The following DLG2 variants were observed in gnomAD, a reference collection of about 807,000 sequenced individuals.
DLG2 encodes discs large MAGUK scaffold protein 2.
DLG2 carries 45 observed loss-of-function variants against 132.5 expected under a neutral mutation model. The observed-to-expected ratio is 0.34, with a 90% CI of 0.27 to 0.44. The LOEUF (loss-of-function observed/expected upper bound fraction) is 0.44. Ranked by LOEUF, DLG2 falls within the 20% of genes least tolerant of loss-of-function variation. The probability of loss-of-function intolerance (pLI) is 1.00; values close to 1 mark genes in which losing one functional copy is unlikely to be tolerated. For synonymous variants in DLG2, 424 were observed against 419.6 expected (o/e 1.01, Z -0.13); for missense variants, 1,045 against 1,196.9 (o/e 0.87, Z 1.87).
intron 3 of DLG2, among the ~76,000 whole-genome samples, chr11:85,436,788 C>A (rs1046374321): frequency 1.3e-5 from 2 of 152,188 alleles, no homozygotes; most frequent in African/African-American, 2.4e-5. Flanking sequence ...TTCGACCTAG[C>A]AATCCCATTA....
chr11:83,910,535 T>C (rs1398364290), intron 15 of DLG2, among the ~76,000 whole-genome samples: 2 of 152,130 alleles, frequency 1.3e-5, no homozygotes, highest in Admixed American at 6.6e-5. Flanking sequence ...CAATAATACA[T>C]AGTTTCAAAT....
intron 22 of DLG2, among the ~76,000 whole-genome samples, chr11:83,474,922 G>A (rs1027672484): frequency 4.6e-5 from 7 of 152,098 alleles, no homozygotes; most frequent in African/African-American, 1.4e-4. Flanking sequence ...GTATGATTGC[G>A]ATTCAGACAA....
At chr11:83,969,288 C>T (rs116092562) in intron 12 of DLG2, among the ~76,000 whole-genome samples, 148 of 152,222 alleles carry the variant, frequency 9.7e-4, no homozygotes, top group African/African-American at 3.5e-3. Context: ...TGTTCTTTCT[C>T]CCTTTAGGAG....
intron 15 of DLG2, among the ~76,000 whole-genome samples, chr11:83,919,124 T>C (rs574560155): frequency 1.3e-5 from 2 of 152,272 alleles, no homozygotes; most frequent in South Asian, 4.1e-4. Flanking sequence ...ATCTTGTGAT[T>C]CACCAACAGG....
intron 18 of DLG2, among the ~76,000 whole-genome samples, chr11:83,694,219 G>A (rs1358187668): frequency 6.6e-6 from 1 of 152,160 alleles, no homozygotes; most frequent in Non-Finnish European, 1.5e-5. Flanking sequence ...CAAATGAAAA[G>A]CATTAGCAAG....
chr11:84,888,271 A>T (rs1036849557), intron 6 of DLG2, among the ~76,000 whole-genome samples: 2 of 152,142 alleles, frequency 1.3e-5, no homozygotes, highest in Non-Finnish European at 2.9e-5. Flanking sequence ...ACTCTCACCA[A>T]TGTGGACAGG....
intron 3 of DLG2, among the ~76,000 whole-genome samples, chr11:85,484,882 G>T (rs962805043): frequency 6.6e-6 from 1 of 151,376 alleles, no homozygotes; most frequent in Non-Finnish European, 1.5e-5. Context: ...AAATCATGCT[G>T]CTATAAAGAC....
chr11:84,860,797 G>A (rs908809027), intron 6 of DLG2, among the ~76,000 whole-genome samples: 12 of 150,392 alleles, frequency 8.0e-5, no homozygotes, highest in African/African-American at 2.9e-4. Context: ...TATAAGTCAA[G>A]CAAGAAAAAT....
intron 7 of DLG2, among the ~76,000 whole-genome samples, chr11:84,278,369 G>C (rs2097807178): frequency 6.6e-6 from 1 of 151,948 alleles, no homozygotes; most frequent in Non-Finnish European, 1.5e-5. Context: ...GGCCCAGATG[G>C]CTTCACTGAT....
intron 9 of DLG2, among the ~76,000 whole-genome samples, chr11:84,102,654 G>C (rs1354784633): frequency 6.6e-6 from 1 of 152,054 alleles, no homozygotes; most frequent in Admixed American, 6.6e-5. Flanking sequence ...AAGGACCCAG[G>C]CATTTATTGA....
intron 19 of DLG2, among the ~76,000 whole-genome samples, chr11:83,581,141 T>A (rs894116206): frequency 6.6e-6 from 1 of 151,998 alleles, no homozygotes; most frequent in African/African-American, 2.4e-5. Context: ...AGAGTCTTGA[T>A]GGCACTCCTA....
chr11:84,935,709 T>C (rs571513688), intron 6 of DLG2, among the ~76,000 whole-genome samples: 13 of 152,168 alleles, frequency 8.5e-5, no homozygotes, highest in Admixed American at 5.9e-4. Flanking sequence ...CTGCAATGCA[T>C]AGGAGAGCAT....
rs1450759046 is a variant in DLG2 at position 84,861,628 on chromosome 11, A to AC, written c.357+250032_357+250033insG. Among the ~76,000 whole-genome samples the AC allele has an allele frequency of 3.9e-4, 28 of 72,498 alleles. No homozygotes were observed. In the East Asian group the frequency reaches 4.4e-3, roughly 11 times the overall value. The allele number at this position is 72,498 out of a possible 152,430, so 47.6% of individuals were successfully genotyped here. A position where few individuals can be genotyped will look rare whatever the true frequency, so the allele number is the denominator to read the frequency against. On this transcript the variant is annotated intron_variant, in intron 6 of 27. Coordinates refer to ENST00000376104, the MANE Select transcript of DLG2 (RefSeq NM_001142699.3). ...AGAGCTTCTACACAGCAAAAAAAAA[A>AC]AAAAAAAAAAACAAAAAAAAAAACC...
intron 3 of DLG2, among the ~76,000 whole-genome samples, chr11:85,510,496 T>C (rs1449697932): frequency 6.6e-6 from 1 of 151,680 alleles, no homozygotes; most frequent in Non-Finnish European, 1.5e-5. Flanking sequence ...ATATCCAGAA[T>C]CTACAATGAA....
At chr11:84,335,802 G>C (rs2098482016) in intron 7 of DLG2, among the ~76,000 whole-genome samples, 1 of 152,050 alleles carries the variant, frequency 6.6e-6, no homozygotes, top group Non-Finnish European at 1.5e-5. Context: ...AATTAAATTA[G>C]GTAATGATTG....
chr11:85,217,822 G>A (rs2082721278), intron 4 of DLG2, among the ~76,000 whole-genome samples: 2 of 152,152 alleles, frequency 1.3e-5, no homozygotes, highest in African/African-American at 4.8e-5. Context: ...TTGCTTTTGT[G>A]GACTTTGTCA....
chr11:84,501,055 T>C (rs1274354021), intron 7 of DLG2, among the ~76,000 whole-genome samples: 1 of 152,168 alleles, frequency 6.6e-6, no homozygotes, highest in Admixed American at 6.5e-5. Context: ...GAACTCAGTT[T>C]CCTTTGTTGT....
chr11:83,692,501 G>A (rs1049360142), intron 18 of DLG2, among the ~76,000 whole-genome samples: 16 of 152,172 alleles, frequency 1.1e-4, no homozygotes, highest in African/African-American at 1.9e-4. Context: ...GGGAGGAAAT[G>A]AGGAGTTGCT....
chr11:85,241,165 G>T (rs2075858526), intron 4 of DLG2, among the ~76,000 whole-genome samples: 1 of 151,180 alleles, frequency 6.6e-6, no homozygotes, highest in South Asian at 2.1e-4. Context: ...ATAATAAATG[G>T]TACCTTTTAA....
Sources: gnomAD v4.1 joint callset for allele counts (sites outside exome capture counted in the v4.1 genomes callset) on GRCh38, gnomAD v4.1.1 for gene constraint, MANE v1.5 for transcripts, NCBI Gene and HGNC (gene_info 2026-07-23, HGNC 2026-07-21) for gene names.